SORCS1: variants seen among roughly 807,000 people sequenced by gnomAD.
SORCS1 encodes sortilin related VPS10 domain containing receptor 1, also known as VPS10 domain-containing receptor SorCS1.
Under a neutral mutation model 146.1 loss-of-function variants are expected in SORCS1, and 60 were observed. That is an observed-to-expected ratio of 0.41 (90% CI 0.33 to 0.51). The LOEUF (loss-of-function observed/expected upper bound fraction) is 0.51. SORCS1 is among the 20% of genes least tolerant of loss of function. The pLI is 0.21. For synonymous variants in SORCS1, 637 were observed against 584.0 expected (o/e 1.09, Z -1.31); for missense variants, 1,352 against 1,487.6 (o/e 0.91, Z 1.50).
At chr10:107,133,606 T>A (rs1050995861) in intron 1 of SORCS1, among the ~76,000 whole-genome samples, 1 of 152,106 alleles carries the variant, frequency 6.6e-6, no homozygotes, top group Non-Finnish European at 1.5e-5. Context: ...TTTACAGGAG[T>A]TAGAAACCCA....
chr10:106,675,204 A>G (rs768168453), intron 13 of SORCS1, 48 bp from the exon 14 acceptor site: 2 of 1,412,706 alleles, frequency 1.4e-6, no homozygotes, highest in Non-Finnish European at 2.0e-6. Flanking sequence ...AGGAAAAAAA[A>G]ATGTCATTTC....
chr10:106,968,332 T>C (rs1955608950), intron 1 of SORCS1, among the ~76,000 whole-genome samples: 1 of 152,358 alleles, frequency 6.6e-6, no homozygotes, highest in Non-Finnish European at 1.5e-5. Context: ...TGTGATGATC[T>C]GAGAAAGACA....
chr10:107,018,953 TC>T lies in SORCS1; in HGVS notation c.559-62374del, dbSNP rs1274304951. On this transcript the variant is annotated intron_variant, in intron 1 of 25. Transcript: ENST00000263054. ...AACACTAAACCAAATAACTTGAAGT[TC>T]CAGCTTCTAGGCTCAGCTCTGCTAT... Among the ~76,000 whole-genome samples, 7 of 152,338 alleles carry T rather than the reference TC, an allele frequency of 4.6e-5. No homozygotes were observed. The East Asian group carries it at 1.4e-3, about 29-fold the overall frequency.
At chr10:106,856,704 T>C (rs1009163780) in intron 2 of SORCS1, among the ~76,000 whole-genome samples, 2 of 152,196 alleles carry the variant, frequency 1.3e-5, no homozygotes, top group African/African-American at 4.8e-5. Flanking sequence ...TATGAGGGCC[T>C]CTCTGATTAG....
At chr10:107,087,826 C>T (rs1963873787) in intron 1 of SORCS1, among the ~76,000 whole-genome samples, 1 of 152,250 alleles carries the variant, frequency 6.6e-6, no homozygotes, top group South Asian at 2.1e-4. Context: ...CAGAAATCTT[C>T]CCATAGCTCC....
intron 1 of SORCS1, among the ~76,000 whole-genome samples, chr10:107,020,038 C>T (rs1958064839): frequency 6.6e-6 from 1 of 152,222 alleles, no homozygotes; most frequent in Admixed American, 6.5e-5. Context: ...GGCCATCCCA[C>T]TCCTTCTTCC....
chr10:107,096,200 C>T (rs1964535410), intron 1 of SORCS1, among the ~76,000 whole-genome samples: 1 of 152,176 alleles, frequency 6.6e-6, no homozygotes, highest in South Asian at 2.1e-4. Context: ...TTGCAAGAGG[C>T]AAGAAACAGT....
At chr10:107,035,855 C>T (rs544545115) in intron 1 of SORCS1, among the ~76,000 whole-genome samples, 274 of 151,432 alleles carry the variant, frequency 1.8e-3, no homozygotes, top group Non-Finnish European at 2.8e-3. Context: ...TGAAATCAAC[C>T]TTATAAGTAT....
intron 2 of SORCS1, among the ~76,000 whole-genome samples, chr10:106,928,064 G>T (rs1337452007): frequency 6.6e-6 from 1 of 152,254 alleles, no homozygotes; most frequent in Non-Finnish European, 1.5e-5. Flanking sequence ...CCGCACCGGC[G>T]CTGCATGTGG....
At chr10:107,124,536 A>G (rs754874386) in intron 1 of SORCS1, among the ~76,000 whole-genome samples, 2 of 152,152 alleles carry the variant, frequency 1.3e-5, no homozygotes, top group Non-Finnish European at 2.9e-5. Context: ...AGAAAACTGA[A>G]AAGGAAGGTA....
intron 1 of SORCS1, among the ~76,000 whole-genome samples, chr10:106,996,237 A>AAAC (rs1564904130): frequency 1.9e-5 from 1 of 53,658 alleles, no homozygotes; most frequent in Non-Finnish European, 4.1e-5. Context: ...AAAAAAAAAA[A>AAAC]AAAAAAAAAA....
intron 1 of SORCS1, among the ~76,000 whole-genome samples, chr10:107,046,295 C>A (rs1959431648): frequency 6.6e-6 from 1 of 151,988 alleles, no homozygotes. Flanking sequence ...TGGTCTTGAA[C>A]TCCTGGCCTC....
chr10:106,838,671 A>G (rs1311379248), intron 2 of SORCS1, among the ~76,000 whole-genome samples: 1 of 152,196 alleles, frequency 6.6e-6, no homozygotes, highest in Non-Finnish European at 1.5e-5. Context: ...AATGTCATAT[A>G]TAGGCATACC....
chr10:106,987,671 T>G (rs7475076), intron 1 of SORCS1, among the ~76,000 whole-genome samples: 1 of 152,184 alleles, frequency 6.6e-6, no homozygotes, highest in African/African-American at 2.4e-5. Context: ...TTCTGTCTGT[T>G]GCTGATCCCT....
At position 106,699,242 on chromosome 10, in the gene SORCS1, T is replaced by C. The variant is rs1294538892; in HGVS notation, c.1385A>G (p.Glu462Gly). The change falls in exon 9 of 26, where the codon GAG (glutamate) becomes GGG (glycine). Residue 462 changes from glutamate to glycine, a missense_variant. Coordinates refer to ENST00000263054, the MANE Select transcript of SORCS1 (RefSeq NM_052918.5). Reference sequence around the variant, plus strand: ...ATAGAGGTCGATCATGATGTTGCCCTCAGGGCCTCTGCTGCTCTGGACATT... The same window carrying C: ...ATAGAGGTCGATCATGATGTTGCCCCCAGGGCCTCTGCTGCTCTGGACATT... ...LENVQSSRGP[E>G]GNIMIDLYEV... 5 of 1,613,608 alleles carry C rather than the reference T, an allele frequency of 3.1e-6. No homozygotes were observed.
chr10:107,075,635 A>G (rs1791544812), intron 1 of SORCS1, among the ~76,000 whole-genome samples: 1 of 152,138 alleles, frequency 6.6e-6, no homozygotes, highest in South Asian at 2.1e-4. Context: ...AAAGTTACAC[A>G]TTTCCTATGC....
At chr10:107,135,663 A>G (rs1967235093) in intron 1 of SORCS1, among the ~76,000 whole-genome samples, 1 of 152,204 alleles carries the variant, frequency 6.6e-6, no homozygotes, top group Non-Finnish European at 1.5e-5. Flanking sequence ...TTAACACCGT[A>G]TTGTCCAGAA....
At chr10:107,047,724 C>T (rs1019310830) in intron 1 of SORCS1, among the ~76,000 whole-genome samples, 2 of 152,132 alleles carry the variant, frequency 1.3e-5, no homozygotes, top group African/African-American at 4.8e-5. Flanking sequence ...TGTTATGTCC[C>T]TGCTCCAGTT....
rs150618344 is a variant in SORCS1, at chr10:107,055,073, A to T, written c.559-98493T>A. On this transcript the variant is annotated intron_variant, in intron 1 of 25. Transcript: ENST00000263054. Reference sequence around the variant, plus strand: ...GGGAGCTGAAATATAATGCTGGAAGAGCACAGAGTGGAAGGGATTAATTTT... The same window carrying T: ...GGGAGCTGAAATATAATGCTGGAAGTGCACAGAGTGGAAGGGATTAATTTT... Among the ~76,000 whole-genome samples, 334 of 152,338 alleles carry T rather than the reference A, an allele frequency of 2.2e-3. 3 individuals carry two copies. The highest frequency in any genetic ancestry group is 7.5e-3 in the African/African-American group (313 of 41,566).
Sources: gnomAD v4.1 joint callset for allele counts (sites outside exome capture counted in the v4.1 genomes callset) on GRCh38, gnomAD v4.1.1 for gene constraint, MANE v1.5 for transcripts, NCBI Gene and HGNC (gene_info 2026-07-23, HGNC 2026-07-21) for gene names.